TAFA4: variants seen among roughly 807,000 people sequenced by gnomAD.
TAFA4 encodes the protein TAFA chemokine like family member 4, also known as chemokine-like protein TAFA-4.
Under a neutral mutation model 21.1 loss-of-function variants are expected in TAFA4, and 20 were observed. The observed-to-expected ratio is 0.95, with a 90% CI of 0.67 to 1.38. The LOEUF is 1.38. TAFA4 is among the 40% of genes most tolerant of loss of function. The pLI, the probability that TAFA4 is intolerant of heterozygous loss-of-function variation, is 0.00. For synonymous variants in TAFA4, 71 were observed against 67.4 expected, an observed-to-expected ratio of 1.05 and a Z score of -0.26; for missense variants, 211 against 180.9, an observed-to-expected ratio of 1.17 and a Z score of -0.95.
chr3:68,906,115 A>G (rs542877575), intron 1 of TAFA4, among the ~76,000 whole-genome samples: 3 of 152,358 alleles, frequency 2.0e-5, no homozygotes, highest in African/African-American at 7.2e-5. Context: ...TGTTGTATGT[A>G]CACAGCAGGT....
intron 1 of TAFA4, among the ~76,000 whole-genome samples, chr3:68,915,724 G>A (rs2089998731): frequency 2.0e-5 from 3 of 152,032 alleles, no homozygotes; most frequent in Admixed American, 2.0e-4. Context: ...TCCTCCACAT[G>A]GGAATATCCT....
intron 4 of TAFA4, among the ~76,000 whole-genome samples, chr3:68,744,626 T>C (rs995360870): frequency 4.6e-5 from 7 of 152,242 alleles, no homozygotes; most frequent in Non-Finnish European, 1.0e-4. Flanking sequence ...CACAAGGTAC[T>C]TCTGATGCCA....
chr3:68,918,154 C>CACACAG (rs1553654502), intron 1 of TAFA4, among the ~76,000 whole-genome samples: 38 of 151,656 alleles, frequency 2.5e-4, no homozygotes, highest in Admixed American at 8.5e-4. Flanking sequence ...CACACACACA[C>CACACAG]AAACACATTT....
intron 3 of TAFA4, among the ~76,000 whole-genome samples, chr3:68,817,520 T>G (rs1704015755): frequency 6.6e-6 from 1 of 152,206 alleles, no homozygotes. Context: ...CAGAAGGTTT[T>G]CAATTTCCTT....
intron 3 of TAFA4, among the ~76,000 whole-genome samples, chr3:68,764,155 G>C: frequency 6.6e-6 from 1 of 152,012 alleles, no homozygotes; most frequent in African/African-American, 2.4e-5. Context: ...GGTTAAATAG[G>C]TCATAAAGGT....
intron 3 of TAFA4, among the ~76,000 whole-genome samples, chr3:68,838,099 A>G (rs2106889081): frequency 6.6e-6 from 1 of 152,280 alleles, no homozygotes; most frequent in African/African-American, 2.4e-5. Context: ...ACTATAGTTA[A>G]TATAGTCACA....
chr3:68,786,307 AGTT>A (rs1381398798), intron 3 of TAFA4, among the ~76,000 whole-genome samples: 1 of 152,216 alleles, frequency 6.6e-6, no homozygotes, highest in African/African-American at 2.4e-5. Context: ...ACAAGAAAAT[AGTT>A]AACTATGAGG....
chr3:68,903,014 A>T (rs986276826), intron 1 of TAFA4, among the ~76,000 whole-genome samples: 10 of 48,762 alleles, frequency 2.1e-4, no homozygotes, highest in African/African-American at 5.8e-4. Flanking sequence ...TGAAAAAATT[A>T]AAAAAAATCA....
chr3:68,909,943 C>T (rs1259526937), intron 1 of TAFA4, among the ~76,000 whole-genome samples: 1 of 152,136 alleles, frequency 6.6e-6, no homozygotes, highest in East Asian at 1.9e-4. Flanking sequence ...TCCATACTCA[C>T]AGGGTTGTTG....
At chr3:68,883,495 G>A (rs1190881271) in intron 2 of TAFA4, among the ~76,000 whole-genome samples, 2 of 152,126 alleles carry the variant, frequency 1.3e-5, no homozygotes, top group Non-Finnish European at 2.9e-5. Context: ...TGCCTTACAG[G>A]TGTAATTTAA....
intron 1 of TAFA4, among the ~76,000 whole-genome samples, chr3:68,924,752 TAACA>T (rs10575502): frequency 0.028 from 4,214 of 152,238 alleles, 193 homozygotes; most frequent in African/African-American, 0.096. Context: ...AGGCAAATAT[TAACA>T]AACATTCTCC....
chr3:68,841,550 T>C (rs1321913656), intron 3 of TAFA4, among the ~76,000 whole-genome samples: 1 of 152,072 alleles, frequency 6.6e-6, no homozygotes, highest in African/African-American at 2.4e-5. Context: ...TAAGAGGAAC[T>C]TTTTTTCTGA....
chr3:68,767,132 A>C (rs1412461292), intron 3 of TAFA4, among the ~76,000 whole-genome samples: 1 of 152,168 alleles, frequency 6.6e-6, no homozygotes, highest in Non-Finnish European at 1.5e-5. Context: ...TATAGTGGTG[A>C]AGTCTAAGAT....
At chr3:68,878,561 G>A (rs2089580152) in intron 3 of TAFA4, among the ~76,000 whole-genome samples, 1 of 151,860 alleles carries the variant, frequency 6.6e-6, no homozygotes, top group Middle Eastern at 3.2e-3. Context: ...CAAAAAAAAA[G>A]GAACAAAAGG....
intron 3 of TAFA4, among the ~76,000 whole-genome samples, chr3:68,761,107 C>A (rs138790669): frequency 3.4e-4 from 52 of 152,270 alleles, no homozygotes; most frequent in African/African-American, 1.2e-3. Flanking sequence ...ATACTAGCTT[C>A]CAGACTTAGG....
At chr3:68,772,508 TCTC>T (rs1284950080) in intron 3 of TAFA4, among the ~76,000 whole-genome samples, 1 of 152,126 alleles carries the variant, frequency 6.6e-6, no homozygotes, top group Non-Finnish European at 1.5e-5. Context: ...ACACTCATCT[TCTC>T]CTGCCTATAG....
intron 3 of TAFA4, among the ~76,000 whole-genome samples, chr3:68,789,230 C>CAAA (rs11328882): frequency 1.7e-5 from 2 of 120,172 alleles, no homozygotes; most frequent in South Asian, 5.2e-4. Context: ...GACTCCGTCT[C>CAAA]AAAAAAAAAA....
At chr3:68,796,045 T>G (rs993470102) in intron 3 of TAFA4, among the ~76,000 whole-genome samples, 1 of 152,030 alleles carries the variant, frequency 6.6e-6, no homozygotes, top group Non-Finnish European at 1.5e-5. Context: ...TCCCTTACTT[T>G]CTCCCAAATA....
intron 3 of TAFA4, among the ~76,000 whole-genome samples, chr3:68,772,654 A>G (rs922109685): frequency 3.9e-5 from 6 of 152,140 alleles, no homozygotes; most frequent in African/African-American, 1.4e-4. Flanking sequence ...GCAGGCCATC[A>G]GAAAGACCAA....
Sources: gnomAD v4.1 joint callset for allele counts (sites outside exome capture counted in the v4.1 genomes callset) on GRCh38, gnomAD v4.1.1 for gene constraint, MANE v1.5 for transcripts, NCBI Gene and HGNC (gene_info 2026-07-23, HGNC 2026-07-21) for gene names.